Variants in EYA4 observed in about 807,000 individuals in gnomAD.
EYA4 encodes EYA transcriptional coactivator and phosphatase 4.
A neutral mutation model predicts 87.9 loss-of-function variants in EYA4; 31 were observed. The observed-to-expected ratio is 0.35, with a 90% confidence interval of 0.27 to 0.48. EYA4 has a LOEUF of 0.48. EYA4 is among the 20% of genes least tolerant of loss of function. The pLI is 0.99. For missense variants in EYA4, 678 were observed against 761.4 expected (o/e 0.89, Z 1.29); for synonymous variants, 263 against 270.6 (o/e 0.97, Z 0.28).
intron 16 of EYA4, among the ~76,000 whole-genome samples, chr6:133,513,933 A>G (rs886955714): frequency 6.6e-6 from 1 of 152,168 alleles, no homozygotes; most frequent in African/African-American, 2.4e-5. Context: ...ATAGAATACA[A>G]TATAGTAAAT....
chr6:133,350,347 G>T (rs1019057478), intron 2 of EYA4, among the ~76,000 whole-genome samples: 2 of 152,096 alleles, frequency 1.3e-5, no homozygotes, highest in African/African-American at 4.8e-5. Flanking sequence ...ATTTTACATA[G>T]ACCTAAGTGC....
At chr6:133,333,248 A>G (rs78545132) in intron 2 of EYA4, among the ~76,000 whole-genome samples, 244 of 152,346 alleles carry the variant, frequency 1.6e-3, no homozygotes, top group African/African-American at 5.7e-3. Context: ...GTATTCCTTA[A>G]TGAATACTTG....
intron 2 of EYA4, among the ~76,000 whole-genome samples, chr6:133,296,139 A>G (rs1360404354): frequency 6.6e-6 from 1 of 152,172 alleles, no homozygotes; most frequent in East Asian, 1.9e-4. Flanking sequence ...CCTACAAGCA[A>G]AAGGAGGAGC....
At chr6:133,304,100 T>C (rs1444327735) in intron 2 of EYA4, among the ~76,000 whole-genome samples, 2 of 152,182 alleles carry the variant, frequency 1.3e-5, no homozygotes, top group Admixed American at 6.6e-5. Context: ...GAGTATGATA[T>C]TATTGCTAGC....
At chr6:133,501,077 A>G (rs867620324) in intron 13 of EYA4, among the ~76,000 whole-genome samples, 6 of 151,892 alleles carry the variant, frequency 4.0e-5, no homozygotes, top group East Asian at 1.9e-4. Context: ...GGCTCTGTGT[A>G]TGTTCGCTAC....
chr6:133,326,363 A>G (rs1781499037), intron 2 of EYA4, among the ~76,000 whole-genome samples: 1 of 152,232 alleles, frequency 6.6e-6, no homozygotes, highest in East Asian at 1.9e-4. Context: ...GACTGTCAAA[A>G]TAAATGCTCT....
chr6:133,461,291 G>A (rs55921700), intron 7 of EYA4, 111 bp downstream of exon 7: 262 of 825,616 alleles, frequency 3.2e-4, no homozygotes, highest in Middle Eastern at 1.1e-3. Context: ...TAAATATCCT[G>A]TACAAATTTG....
At chr6:133,306,144 A>G (rs1197959625) in intron 2 of EYA4, among the ~76,000 whole-genome samples, 1 of 152,168 alleles carries the variant, frequency 6.6e-6, no homozygotes, top group Non-Finnish European at 1.5e-5. Flanking sequence ...ATGCATTCAT[A>G]TTGCATGATG....
intron 2 of EYA4, among the ~76,000 whole-genome samples, chr6:133,316,462 G>A (rs975737071): frequency 6.6e-6 from 1 of 152,140 alleles, no homozygotes; most frequent in Non-Finnish European, 1.5e-5. Context: ...GGGTAGTGAA[G>A]TTGTCTTTTT....
At position 133,481,539 on chromosome 6, in the gene EYA4, A is replaced by G. The variant is rs1217238739; in HGVS notation, c.1047A>G (p.Ser349=). ...AGAGAACCTGTAGGAGTTCTGGGTC[A>G]AAGTCCAGAGGAAGAGGCCGGAAAA... is the stretch of plus-strand genomic sequence containing the variant. ...LDERTCRSSG[S]KSRGRGRKNN... The change falls in exon 12 of 20, where the codon TCA becomes TCG. Residue 349 remains serine, a synonymous_variant. Transcript: ENST00000355286. The G allele has an allele frequency of 3.1e-6, 5 of 1,614,066 alleles. No individual in the cohort carries two copies. In the Admixed American group the frequency reaches 8.3e-5, roughly 27 times the overall value.
chr6:133,514,095 T>C (rs1458290868), intron 16 of EYA4, among the ~76,000 whole-genome samples: 1 of 151,960 alleles, frequency 6.6e-6, no homozygotes, highest in South Asian at 2.1e-4. Context: ...GAACAAAAAA[T>C]GTAGAGCCAA....
At chr6:133,455,351 A>G (rs1311347283) in intron 5 of EYA4, among the ~76,000 whole-genome samples, 1 of 152,060 alleles carries the variant, frequency 6.6e-6, no homozygotes, top group Admixed American at 6.6e-5. Context: ...AAGTAATCCA[A>G]GTTTCTTTAC....
chr6:133,316,514 G>C (rs1252964971), intron 2 of EYA4, among the ~76,000 whole-genome samples: 2 of 152,296 alleles, frequency 1.3e-5, no homozygotes, highest in South Asian at 2.1e-4. Flanking sequence ...TAACCTGATA[G>C]TTTAGAAAAT....
intron 2 of EYA4, among the ~76,000 whole-genome samples, chr6:133,342,675 T>G (rs914894385): frequency 6.7e-6 from 1 of 149,328 alleles, no homozygotes; most frequent in African/African-American, 2.5e-5. Context: ...CATACAATAA[T>G]TATTTAGCAT....
intron 3 of EYA4, among the ~76,000 whole-genome samples, chr6:133,446,265 AG>A (rs1792826301): frequency 6.6e-6 from 1 of 152,054 alleles, no homozygotes; most frequent in Non-Finnish European, 1.5e-5. Flanking sequence ...TTTTTCTTAC[AG>A]TATTATATGG....
chr6:133,303,947 A>G (rs1042514938), intron 2 of EYA4, among the ~76,000 whole-genome samples: 1 of 152,080 alleles, frequency 6.6e-6, no homozygotes, highest in Non-Finnish European at 1.5e-5. Context: ...TGGTGGGTAC[A>G]GGGGTCAGAC....
At chr6:133,494,924 G>C (rs529839780) in intron 13 of EYA4, among the ~76,000 whole-genome samples, 1 of 152,168 alleles carries the variant, frequency 6.6e-6, no homozygotes, top group South Asian at 2.1e-4. Flanking sequence ...TGAGGTGATG[G>C]ATACCCCATT....
At chr6:133,419,212 A>G (rs1790010568) in intron 3 of EYA4, among the ~76,000 whole-genome samples, 1 of 152,238 alleles carries the variant, frequency 6.6e-6, no homozygotes. Context: ...ACTCATGAAC[A>G]GTGTGTCAGC....
At chr6:133,340,290 T>C (rs1189012873) in intron 2 of EYA4, among the ~76,000 whole-genome samples, 1 of 152,226 alleles carries the variant, frequency 6.6e-6, no homozygotes, top group Non-Finnish European at 1.5e-5. Context: ...TGTGTCCTGT[T>C]CTTTGCCAAA....
Sources: allele counts gnomAD v4.1 joint callset (sites outside exome capture counted in the v4.1 genomes callset), GRCh38; gene constraint gnomAD v4.1.1; transcripts MANE v1.5; gene names NCBI Gene and HGNC (gene_info 2026-07-23, HGNC 2026-07-21).